Variants in SPATA1 observed in about 807,000 individuals in gnomAD.
SPATA1 encodes spermatogenesis associated 1.
A neutral mutation model predicts 59.6 loss-of-function variants in SPATA1; 57 were observed. That is an observed-to-expected ratio of 0.96 (90% CI 0.77 to 1.19). The LOEUF (loss-of-function observed/expected upper bound fraction) is 1.19. Ranked by LOEUF, SPATA1 falls within the 50% of genes most tolerant of loss-of-function variation. The pLI, the probability that SPATA1 is intolerant of heterozygous loss-of-function variation, is 0.00. For missense variants in SPATA1, 448 were observed against 480.7 expected, an observed-to-expected ratio of 0.93 and a Z score of 0.64; for synonymous variants, 147 against 163.9, an observed-to-expected ratio of 0.90 and a Z score of 0.79.
At chr1:84,507,246 T>C (rs1460978862) in intron 1 of SPATA1, 1 of 152,232 alleles carries the variant, frequency 6.6e-6, no homozygotes. Context: ...AATTTTATCA[T>C]TAATGGATTT....
downstream of SPATA1, chr1:84,554,715 CATA>C (rs1329098311): frequency 3.7e-6 from 1 of 271,032 alleles, no homozygotes; most frequent in African/African-American, 2.2e-5. Flanking sequence ...GGAAATATGG[CATA>C]ATAAAATTCT....
At chr1:84,547,506 A>G (rs914217838) in intron 10 of SPATA1, among the ~76,000 whole-genome samples, 1 of 152,190 alleles carries the variant, frequency 6.6e-6, no homozygotes, top group African/African-American at 2.4e-5. Flanking sequence ...AACAAGTAAG[A>G]CAATATCAGC....
chr1:84,526,199 A>G, intron 6 of SPATA1, 126 bp downstream of exon 6: 2 of 726,888 alleles, frequency 2.8e-6, no homozygotes, highest in Non-Finnish European at 4.3e-6. Flanking sequence ...GAAAGCTACA[A>G]TTCCACTTGG....
chr1:84,564,602 G>T (rs1379969649), intron 4 of SPATA1, among the ~76,000 whole-genome samples: 1 of 152,076 alleles, frequency 6.6e-6, no homozygotes, highest in Non-Finnish European at 1.5e-5. Context: ...TTGAACTTCG[G>T]CCTCATGTGA....
exon 9 of SPATA1, chr1:84,544,299 C>G (rs751816622): frequency 6.4e-7 from 1 of 1,563,644 alleles, no homozygotes; most frequent in Non-Finnish European, 8.7e-7. Flanking sequence ...TTATTACAAA[C>G]TGAAAGTAAG....
At chr1:84,557,569 A>G (rs952888493), downstream of SPATA1, among the ~76,000 whole-genome samples, 9 of 140,898 alleles carry the variant, frequency 6.4e-5, no homozygotes, top group East Asian at 6.5e-4. Context: ...AAAAAAAAAG[A>G]AGGAGGCTGG....
At chr1:84,546,457 C>CAAA (rs10618711) in intron 10 of SPATA1, among the ~76,000 whole-genome samples, 7 of 82,010 alleles carry the variant, frequency 8.5e-5, no homozygotes, top group Admixed American at 1.4e-4. Flanking sequence ...GACTCTGCCT[C>CAAA]AAAAAAAAAA....
At chr1:84,512,053 C>G (rs1682588697) in intron 1 of SPATA1, among the ~76,000 whole-genome samples, 1 of 152,132 alleles carries the variant, frequency 6.6e-6, no homozygotes. Flanking sequence ...TTATTTACAG[C>G]TTAACCAGGA....
chr1:84,533,796 G>C (rs1034523452), intron 8 of SPATA1, 30 bp downstream of exon 8: 28 of 1,330,170 alleles, frequency 2.1e-5, no homozygotes, highest in Non-Finnish European at 2.7e-5. Context: ...GTTTAAACAT[G>C]GTATTGCAAC....
chr1:84,554,445 A>T (rs1051920751), exon 13 of SPATA1: 4 of 152,308 alleles, frequency 2.6e-5, no homozygotes, highest in African/African-American at 9.6e-5. Flanking sequence ...ATTTAGTTCA[A>T]GTACCTCAGA....
chr1:84,523,643 A>G (rs1683112671), intron 4 of SPATA1, among the ~76,000 whole-genome samples: 1 of 152,184 alleles, frequency 6.6e-6, no homozygotes, highest in Admixed American at 6.5e-5. Flanking sequence ...TTTTCTTCCA[A>G]AGTACTACTA....
chr1:84,565,743 C>T (rs917231438), intron 4 of SPATA1, 118 bp from the exon 14 acceptor site: 15 of 623,646 alleles, frequency 2.4e-5, no homozygotes, highest in African/African-American at 1.6e-4. Context: ...AATTGAAAAA[C>T]GTATACATAT....
chr1:84,563,191 A>T, intron 4 of SPATA1: 2 of 1,099,068 alleles, frequency 1.8e-6, no homozygotes, highest in Non-Finnish European at 2.4e-6. Flanking sequence ...GATATCAAAC[A>T]TCTAATTATG....
At chr1:84,561,407 G>A (rs72950348) in intron 4 of SPATA1, among the ~76,000 whole-genome samples, 2,373 of 152,260 alleles carry the variant, frequency 0.016, 62 homozygotes, top group African/African-American at 0.053. Flanking sequence ...TTATGAATAC[G>A]CAAAGAAAGT....
At chr1:84,564,323 A>G (rs1276631119) in intron 4 of SPATA1, among the ~76,000 whole-genome samples, 1 of 152,218 alleles carries the variant, frequency 6.6e-6, no homozygotes, top group Non-Finnish European at 1.5e-5. Context: ...GGAGGAAACA[A>G]AGAGAAAAAT....
intron 8 of SPATA1, among the ~76,000 whole-genome samples, chr1:84,542,573 T>C (rs780745080): frequency 3.1e-4 from 47 of 152,168 alleles, no homozygotes; most frequent in Non-Finnish European, 2.1e-4. Flanking sequence ...GATTGGTGTT[T>C]GCTATTATTT....
At chr1:84,513,581 T>C (rs1384999268) in intron 1 of SPATA1, among the ~76,000 whole-genome samples, 1 of 152,218 alleles carries the variant, frequency 6.6e-6, no homozygotes, top group African/African-American at 2.4e-5. Context: ...AAGCAGAAAC[T>C]GTCACGCTAA....
chr1:84,544,416 G>C (rs796627982), intron 9 of SPATA1, 112 bp downstream of exon 9: 4 of 786,266 alleles, frequency 5.1e-6, no homozygotes, highest in Non-Finnish European at 8.1e-6. Flanking sequence ...AGATAAATAA[G>C]TTCTGGAGAT....
chr1:84,545,510 A>C (rs1684058610), intron 9 of SPATA1, 124 bp from the exon 10 acceptor site: 13 of 1,118,034 alleles, frequency 1.2e-5, no homozygotes, highest in Non-Finnish European at 1.6e-5. Flanking sequence ...AGCAAGAAAA[A>C]CAGTTTGGGA....
Sources: gnomAD v4.1 joint callset for allele counts (sites outside exome capture counted in the v4.1 genomes callset) on GRCh38, gnomAD v4.1.1 for gene constraint, MANE v1.5 for transcripts, NCBI Gene and HGNC (gene_info 2026-07-23, HGNC 2026-07-21) for gene names.